GOLGA4: variants seen among roughly 807,000 people sequenced by gnomAD.
GOLGA4 encodes the protein golgin subfamily A member 4.
In GOLGA4, 169 loss-of-function variants were observed where a neutral mutation model predicts 265.9. That is an observed-to-expected ratio of 0.64 (90% CI 0.56 to 0.72). The LOEUF (loss-of-function observed/expected upper bound fraction) is 0.72, where lower values mean the gene tolerates loss of function less well. Ranked by LOEUF, GOLGA4 falls within the 30% of genes least tolerant of loss-of-function variation. The pLI, the probability that GOLGA4 is intolerant of heterozygous loss-of-function variation, is 0.00. For missense variants in GOLGA4, 2,482 were observed against 2,483.4 expected (o/e 1.00, Z 0.01); for synonymous variants, 923 against 855.8 (o/e 1.08, Z -1.37).
At chr3:37,306,505 G>C (rs866067625) in intron 10 of GOLGA4, among the ~76,000 whole-genome samples, 3,592 of 105,236 alleles carry the variant, frequency 0.034, 63 homozygotes, top group African/African-American at 0.039. Context: ...TGTTCTCTGT[G>C]TGTGTGTGTG....
intron 2 of GOLGA4, among the ~76,000 whole-genome samples, chr3:37,269,775 T>C (rs1280242313): frequency 6.6e-6 from 1 of 152,094 alleles, no homozygotes; most frequent in African/African-American, 2.4e-5. Flanking sequence ...CCTGCATTTA[T>C]TTAGATATGT....
At position 37,243,386 on chromosome 3, in the gene GOLGA4, C is replaced by G. The variant is rs1227102827; in HGVS notation, c.-165C>G. On this transcript the variant is annotated 5_prime_UTR_variant, in exon 1 of 24. Transcript: ENST00000361924. ...GCGGCGGCGGCGACGCCGACACCCT[C>G]AGGACGAGTGTCCGGACTTGCCCAC... 1 of 641,634 alleles carries G rather than the reference C, an allele frequency of 1.6e-6. No individual in the cohort carries two copies. Among genetic ancestry groups the G allele is most frequent in the South Asian group, 1.8e-5 (1 of 56,572 alleles). The allele number at this position is 641,634 out of a possible 1,614,324, so 39.7% of individuals were successfully genotyped here.
At chr3:37,301,600 T>A (rs1239563804) in intron 9 of GOLGA4, among the ~76,000 whole-genome samples, 3 of 152,218 alleles carry the variant, frequency 2.0e-5, no homozygotes, top group Non-Finnish European at 4.4e-5. Context: ...ATAAAATAAA[T>A]CTTTTAAGTA....
At chr3:37,269,472 T>C (rs1376579611) in intron 2 of GOLGA4, among the ~76,000 whole-genome samples, 1 of 152,190 alleles carries the variant, frequency 6.6e-6, no homozygotes, top group African/African-American at 2.4e-5. Context: ...GGCTCTGTCC[T>C]CTTGAGAGTT....
chr3:37,274,260 C>G (rs1009163226), intron 2 of GOLGA4, among the ~76,000 whole-genome samples: 3 of 151,932 alleles, frequency 2.0e-5, no homozygotes. Context: ...GGAATGAGAT[C>G]TTTTAAAGTA....
intron 2 of GOLGA4, chr3:37,275,916 A>G: frequency 6.2e-7 from 1 of 1,613,784 alleles, no homozygotes; most frequent in Non-Finnish European, 8.5e-7. Flanking sequence ...TCCTGGAAAA[A>G]ATTATTAGAT....
chr3:37,307,921 A>T (rs1312653459), intron 10 of GOLGA4, among the ~76,000 whole-genome samples: 3 of 152,190 alleles, frequency 2.0e-5, no homozygotes, highest in African/African-American at 7.2e-5. Flanking sequence ...TGATAGATAA[A>T]TATGTATGTA....
At chr3:37,337,290 C>G in intron 18 of GOLGA4, 127 bp downstream of exon 18, 1 of 635,316 alleles carries the variant, frequency 1.6e-6, no homozygotes, top group Non-Finnish European at 2.8e-6. Flanking sequence ...ACCTCTGCCT[C>G]CTGAGTTCAG....
chr3:37,314,557 C>T (rs1472695770), intron 10 of GOLGA4, among the ~76,000 whole-genome samples: 1 of 151,722 alleles, frequency 6.6e-6, no homozygotes, highest in Non-Finnish European at 1.5e-5. Flanking sequence ...AGGAGTATTG[C>T]TTGAACCCGC....
At position 37,252,622 on chromosome 3, in the gene GOLGA4, T is replaced by A. The variant is rs55774330; in HGVS notation, c.162+1138T>A. 5.5e-3 allele frequency among the ~76,000 whole-genome samples: 838 copies of A among 152,282 alleles called. 9 individuals carry two copies. The highest frequency in any genetic ancestry group is 0.019 in the African/African-American group (792 of 41,548). ...CTTTTGCCCTATATTTTTGAGAGTC[T>A]TTATTTTTCTACTCTGTGTAAATAT... On this transcript the variant is annotated intron_variant, in intron 2 of 23. Transcript: ENST00000361924.
intron 4 of GOLGA4, among the ~76,000 whole-genome samples, chr3:37,288,077 A>T (rs947885088): frequency 6.6e-6 from 1 of 151,574 alleles, no homozygotes; most frequent in African/African-American, 2.4e-5. Context: ...TTCATCTCAC[A>T]ATATTACTCT....
chr3:37,340,219 A>C lies in GOLGA4; in HGVS notation c.6472+20A>C. 1 of 983,464 alleles carries C rather than the reference A, an allele frequency of 1.0e-6. No homozygotes were observed. 60.9% of individuals were successfully genotyped at this position (983,464 alleles called of 1,614,324 possible). Reference sequence around the variant, plus strand: ...ACAAAGGTAAGGATGATCTCGTGTCATGTTATTAACTGTTATCTTTTATTG... The same window carrying C: ...ACAAAGGTAAGGATGATCTCGTGTCCTGTTATTAACTGTTATCTTTTATTG... On this transcript the variant is annotated intron_variant, in intron 20 of 23. Coordinates refer to ENST00000361924, the MANE Select transcript of GOLGA4 (RefSeq NM_002078.5).
Position 37,323,815 on chromosome 3 carries a change from A to T in GOLGA4, c.1929A>T (p.Glu643Asp). The T allele has an allele frequency of 6.2e-7, 1 of 1,609,764 alleles. No individual in the cohort carries two copies. The highest frequency in any genetic ancestry group is 8.5e-7 in the Non-Finnish European group (1 of 1,179,098). Residue 643 changes from glutamate (E) to aspartate (D), a missense_variant, in exon 14 of 24, where the codon GAA becomes GAT. Glu to Asp is a conservative substitution (Grantham distance 45, BLOSUM62 2). This residue lies in a region of GOLGA4 where 1,536 missense variants were observed against 1,483.7 expected (regional missense o/e 1.04). Coordinates refer to ENST00000361924, the MANE Select transcript of GOLGA4 (RefSeq NM_002078.5). ...AGCAACAATATCAGACTGAAATGGA[A>T]AAACTTAGGGAAAAGTGTGAACAAG... ...VLKQQYQTEM[E>D]KLREKCEQEK... is the part of the protein sequence containing the mutation.
chr3:37,317,560 G>A (rs1455097559), intron 11 of GOLGA4, among the ~76,000 whole-genome samples: 1 of 152,140 alleles, frequency 6.6e-6, no homozygotes, highest in African/African-American at 2.4e-5. Flanking sequence ...AAGATTACAT[G>A]TATTTTTAAT....
chr3:37,245,370 C>A (rs944283210), intron 1 of GOLGA4: 12 of 152,308 alleles, frequency 7.9e-5, no homozygotes, highest in African/African-American at 2.9e-4. Flanking sequence ...TTAGAGTCTT[C>A]AGAAAAGTAT....
rs1206480351 is a variant in GOLGA4 at position 37,319,191 on chromosome 3, T to C, written c.1542T>C (p.Ala514=). Residue 514 remains alanine, a synonymous_variant, in exon 12 of 24, where the codon GCT becomes GCC. Coordinates refer to ENST00000361924, the MANE Select transcript of GOLGA4 (RefSeq NM_002078.5). ...EREFQEQMKV[A]LEKSQSEYLK... ...AATTTCAGGAACAAATGAAAGTAGCTCTTGTAAGTGACTATTTTTTTTTTT... is the reference window on the plus strand; with the variant it reads ...AATTTCAGGAACAAATGAAAGTAGCCCTTGTAAGTGACTATTTTTTTTTTT... 6.3e-7 allele frequency: 1 copy of C among 1,599,388 alleles called. No individual in the cohort carries two copies. Among genetic ancestry groups the C allele is most frequent in the East Asian group, 2.2e-5 (1 of 44,760 alleles).
At chr3:37,300,622 T>A (rs1314623533) in intron 9 of GOLGA4, among the ~76,000 whole-genome samples, 1 of 152,204 alleles carries the variant, frequency 6.6e-6, no homozygotes, top group Non-Finnish European at 1.5e-5. Context: ...CTGTACCTTC[T>A]CAACTGTCAT....
rs868800958 is a variant in GOLGA4 at position 37,258,015 on chromosome 3, A to G, written c.162+6531A>G. On this transcript the variant is annotated intron_variant, in intron 2 of 23. Transcript: ENST00000361924. ...TATATATGTATATATACATACATAT[A>G]TATATGTATGTATATATGTATATAT... Among the ~76,000 whole-genome samples, 15 of 55,620 alleles carry G rather than the reference A, an allele frequency of 2.7e-4. 1 individual carries two copies. The highest frequency in any genetic ancestry group is 5.9e-4 in the Admixed American group (3 of 5,058). 36.5% of individuals were successfully genotyped at this position (55,620 alleles called of 152,430 possible).
At chr3:37,336,945 G>C (rs1284860015) in intron 17 of GOLGA4, among the ~76,000 whole-genome samples, 198 bp from the exon 18 acceptor site, 2 of 151,980 alleles carry the variant, frequency 1.3e-5, no homozygotes, top group Non-Finnish European at 2.9e-5. Context: ...TATGTATTTA[G>C]AGTATAATAT....
Sources: allele counts gnomAD v4.1 joint callset (sites outside exome capture counted in the v4.1 genomes callset), GRCh38; gene constraint gnomAD v4.1.1; regional missense constraint gnomAD v4.1.1; transcripts MANE v1.5; gene names NCBI Gene and HGNC (gene_info 2026-07-23, HGNC 2026-07-21).